GSAP: variants seen among roughly 807,000 people sequenced by gnomAD.
GSAP encodes gamma-secretase-activating protein.
GSAP carries 118 observed loss-of-function variants against 131.7 expected under a neutral mutation model. The ratio of observed to expected loss-of-function variants is 0.90; its 90% CI spans 0.77 to 1.04. The LOEUF is 1.04. Among genes scored for constraint, GSAP ranks in the 50% least tolerant of loss-of-function variants. The pLI, the probability that GSAP is intolerant of heterozygous loss-of-function variation, is 0.00. For missense variants in GSAP, 1,019 were observed against 1,013.2 expected, an observed-to-expected ratio of 1.01 and a Z score of -0.08; for synonymous variants, 381 against 363.4, an observed-to-expected ratio of 1.05 and a Z score of -0.55.
At chr7:77,312,634 A>C (rs1017484806) in intron 28 of GSAP, among the ~76,000 whole-genome samples, 2 of 152,242 alleles carry the variant, frequency 1.3e-5, no homozygotes, top group Admixed American at 6.5e-5. Flanking sequence ...TTAAATATTC[A>C]GCAATGTTTC....
chr7:77,381,875 G>A (rs948479429), intron 7 of GSAP, among the ~76,000 whole-genome samples: 4 of 149,726 alleles, frequency 2.7e-5, no homozygotes, highest in African/African-American at 9.9e-5. Context: ...CTTTCTATCA[G>A]TAACAATTTG....
intron 26 of GSAP, among the ~76,000 whole-genome samples, chr7:77,317,810 CAATT>C (rs1189260491): frequency 6.6e-6 from 1 of 152,204 alleles, no homozygotes; most frequent in Non-Finnish European, 1.5e-5. Context: ...TAACAACAAA[CAATT>C]AAGAATTTAA....
intron 19 of GSAP, among the ~76,000 whole-genome samples, chr7:77,342,041 C>G (rs1033304935): frequency 6.6e-6 from 1 of 152,232 alleles, no homozygotes; most frequent in Admixed American, 6.5e-5. Flanking sequence ...CGTGTCCCAT[C>G]TATGCGGGAC....
Position 77,355,553 on chromosome 7 carries a change from A to G in GSAP, c.1120+2T>C. ...TCTACAAGAGAAAAACTATAGCCGT[A>G]CCTGTCAGAAAGAGATTGTGGCAGA... On this transcript the variant is annotated splice_donor_variant, in intron 15 of 30. Transcript: ENST00000257626. LOFTEE classifies it high-confidence loss of function. 1 of 1,601,364 alleles carries G rather than the reference A, an allele frequency of 6.2e-7. No homozygotes were observed. Among genetic ancestry groups the G allele is most frequent in the Non-Finnish European group, 8.6e-7 (1 of 1,168,552 alleles).
At chr7:77,324,410 CT>C (rs917365957) in intron 23 of GSAP, among the ~76,000 whole-genome samples, 4 of 152,202 alleles carry the variant, frequency 2.6e-5, no homozygotes, top group Admixed American at 1.3e-4. Context: ...CCTCCTCTCC[CT>C]TTTGCCCAGA....
intron 8 of GSAP, among the ~76,000 whole-genome samples, chr7:77,378,405 A>G (rs1797282240): frequency 6.6e-6 from 1 of 152,162 alleles, no homozygotes; most frequent in Non-Finnish European, 1.5e-5. Flanking sequence ...AATCGCTTGA[A>G]TCCAACAGGC....
intron 3 of GSAP, 42 bp downstream of exon 3, chr7:77,404,517 T>G: frequency 1.0e-6 from 1 of 989,824 alleles, no homozygotes; most frequent in South Asian, 1.3e-5. Flanking sequence ...AAGAAAACTC[T>G]AAAGGCAGTA....
Position 77,355,358 on chromosome 7 carries a change from C to G in GSAP, c.1193G>C (p.Cys398Ser). 1 of 1,611,340 alleles carries G rather than the reference C, an allele frequency of 6.2e-7. No homozygotes were observed. The highest frequency in any genetic ancestry group is 8.5e-7 in the Non-Finnish European group (1 of 1,179,182). The stretch of plus-strand genomic sequence containing the variant: ...TGCTCTATAGAGCTTTCCAGAACAA[C>G]AATCCAATACCAGGGACCCTGACAA... ...QSLSGSLVLDCCSGKLYRALL... is the reference protein window; with the variant it reads ...QSLSGSLVLDSCSGKLYRALL... The change falls in exon 16 of 31, where the codon TGT becomes TCT. Residue 398 changes from cysteine to serine, a missense_variant. Transcript: ENST00000257626.
At chr7:77,317,348 G>T (rs554351737) in intron 26 of GSAP, among the ~76,000 whole-genome samples, 2 of 131,840 alleles carry the variant, frequency 1.5e-5, no homozygotes, top group Non-Finnish European at 3.1e-5. Context: ...CAAGGGTTGG[G>T]GGGGAACATC....
At chr7:77,376,994 C>A in intron 9 of GSAP, 87 bp from the exon 10 acceptor site, 1 of 758,828 alleles carries the variant, frequency 1.3e-6, no homozygotes, top group South Asian at 1.7e-5. Flanking sequence ...CTATTTCCAT[C>A]AATGAAAATG....
intron 19 of GSAP, among the ~76,000 whole-genome samples, chr7:77,340,362 A>G (rs1478812519): frequency 6.6e-6 from 1 of 152,166 alleles, no homozygotes; most frequent in Admixed American, 6.5e-5. Flanking sequence ...ACACAGACAC[A>G]CGTGACATTT....
chr7:77,402,043 A>G (rs1163148193), intron 3 of GSAP, among the ~76,000 whole-genome samples: 1 of 152,224 alleles, frequency 6.6e-6, no homozygotes, highest in African/African-American at 2.4e-5. Flanking sequence ...AACAATTGAG[A>G]GAAACTGAGT....
chr7:77,358,452 A>G (rs1563020719), intron 14 of GSAP, among the ~76,000 whole-genome samples: 3 of 152,272 alleles, frequency 2.0e-5, no homozygotes. Flanking sequence ...GGAGAAGAAA[A>G]GGTACTACAC....
chr7:77,387,952 C>A (rs1001151415), intron 5 of GSAP, among the ~76,000 whole-genome samples: 1 of 152,170 alleles, frequency 6.6e-6, no homozygotes, highest in Non-Finnish European at 1.5e-5. Context: ...GAGGGCCTAA[C>A]GGGTTTCTAA....
intron 19 of GSAP, among the ~76,000 whole-genome samples, chr7:77,334,317 AAAGG>A (rs1789614481): frequency 6.6e-6 from 1 of 152,114 alleles, no homozygotes; most frequent in Admixed American, 6.6e-5. Flanking sequence ...GCAAACTAAC[AAAGG>A]AAGAGAAAAC....
At chr7:77,416,623 G>C (rs1804518136), upstream of GSAP, 1 of 272,872 alleles carries the variant, frequency 3.7e-6, no homozygotes, top group African/African-American at 2.2e-5. Flanking sequence ...CTTCGGGGCT[G>C]AGGATAGAGG....
chr7:77,366,334 C>T (rs1020609086), intron 12 of GSAP, among the ~76,000 whole-genome samples: 3 of 152,052 alleles, frequency 2.0e-5, no homozygotes, highest in African/African-American at 7.2e-5. Context: ...GATGGTATTG[C>T]CTACGTTTTC....
chr7:77,321,498 C>T, intron 24 of GSAP, 95 bp from the exon 25 acceptor site: 1 of 790,138 alleles, frequency 1.3e-6, no homozygotes, highest in Non-Finnish European at 2.2e-6. Flanking sequence ...CATTTCAGGG[C>T]AGCTGGCATT....
At chr7:77,416,350 G>T, upstream of GSAP, 1 of 1,368,794 alleles carries the variant, frequency 7.3e-7, no homozygotes, top group Non-Finnish European at 9.8e-7. Flanking sequence ...GGGCGGCTCT[G>T]GGGCCCCGCA....
Sources: allele counts gnomAD v4.1 joint callset (sites outside exome capture counted in the v4.1 genomes callset), GRCh38; gene constraint gnomAD v4.1.1; transcripts MANE v1.5; gene names NCBI Gene and HGNC (gene_info 2026-07-23, HGNC 2026-07-21).